GRHPR: variants seen among roughly 807,000 people sequenced by gnomAD.
GRHPR encodes the protein glyoxylate reductase/hydroxypyruvate reductase.
In GRHPR, 35 loss-of-function variants were observed where a neutral mutation model predicts 36.8. The observed-to-expected ratio is 0.95, with a 90% CI of 0.73 to 1.26. The LOEUF (loss-of-function observed/expected upper bound fraction) is 1.26, where lower values mean the gene tolerates loss of function less well. Among genes scored for constraint, GRHPR ranks in the 50% most tolerant of loss-of-function variants. GRHPR has a pLI of 0.00. For synonymous variants in GRHPR, 179 were observed against 181.0 expected (o/e 0.99, Z 0.09); for missense variants, 380 against 435.0 (o/e 0.87, Z 1.12).
chr9:37,431,981 T>C (rs1454392211), intron 7 of GRHPR, 27 bp from the exon 8 acceptor site: 1 of 1,613,274 alleles, frequency 6.2e-7, no homozygotes, highest in African/African-American at 1.3e-5. Flanking sequence ...ATCTTCGGGG[T>C]ACCCATGTCA....
chr9:37,438,663 C>T (rs191525510), downstream of GRHPR: 362 of 152,434 alleles, frequency 2.4e-3, 2 homozygotes, highest in Non-Finnish European at 4.1e-3. Context: ...TCATTTTCTC[C>T]AGGCTAACCC....
chr9:37,433,658 G>A (rs1225762635), intron 8 of GRHPR, among the ~76,000 whole-genome samples: 3 of 152,138 alleles, frequency 2.0e-5, no homozygotes, highest in South Asian at 2.1e-4. Context: ...TGCTCCTCAC[G>A]GCTCCCAGAT....
At chr9:37,428,688 C>T (rs1250791984) in intron 5 of GRHPR, 116 bp downstream of exon 5, 1 of 758,782 alleles carries the variant, frequency 1.3e-6, no homozygotes, top group Non-Finnish European at 2.4e-6. Flanking sequence ...ACTTTGCTTG[C>T]AGTAGAGATA....
intron 8 of GRHPR, among the ~76,000 whole-genome samples, 162 bp from the exon 9 acceptor site, chr9:37,436,499 A>G (rs1823655828): frequency 6.6e-6 from 1 of 152,102 alleles, no homozygotes; most frequent in Non-Finnish European, 1.5e-5. Context: ...GCTCTGGGGG[A>G]GTGTCAAGCT....
At chr9:37,426,793 CAA>C (rs893268068) in intron 4 of GRHPR, 139 bp downstream of exon 4, 1 of 620,838 alleles carries the variant, frequency 1.6e-6, no homozygotes, top group Non-Finnish European at 2.9e-6. Context: ...AGTAAAAATA[CAA>C]AAAAAATTAG....
intron 5 of GRHPR, chr9:37,429,205 C>T: frequency 3.9e-6 from 1 of 253,520 alleles, no homozygotes; most frequent in Non-Finnish European, 7.8e-6. Flanking sequence ...TGGAGGAACC[C>T]AACAGCTTTG....
intron 2 of GRHPR, 113 bp from the exon 3 acceptor site, chr9:37,425,809 C>CA: frequency 1.4e-6 from 1 of 740,406 alleles, no homozygotes; most frequent in Non-Finnish European, 2.5e-6. Flanking sequence ...ACAGAGATGT[C>CA]AGCCTCTTAT....
At position 37,429,837 on chromosome 9, in the gene GRHPR, G is replaced by T. The variant is rs111256477; in HGVS notation, c.598+1G>T. ...GCAGCAGAATTCCAGGCAGAGTTTG[G>T]TAAGTGAAGCCTTGATTTCCACAGG... On this transcript the variant is annotated splice_donor_variant, in intron 6 of 8. Coordinates refer to ENST00000318158, the MANE Select transcript of GRHPR (RefSeq NM_012203.2). LOFTEE classifies it high-confidence loss of function. 6.5e-7 allele frequency: 1 copy of T among 1,537,482 alleles called. No individual in the cohort carries two copies.
At position 37,436,652 on chromosome 9, in the gene GRHPR, C is replaced by T; in HGVS notation, c.866-9C>T. The T allele has an allele frequency of 6.2e-7, 1 of 1,613,724 alleles. No individual in the cohort carries two copies. Among genetic ancestry groups the T allele is most frequent in the Non-Finnish European group, 8.5e-7 (1 of 1,179,776 alleles). On this transcript the variant is annotated splice_polypyrimidine_tract_variant and intron_variant, in intron 8 of 8. Coordinates refer to ENST00000318158, the MANE Select transcript of GRHPR (RefSeq NM_012203.2). ...CTTATCTCCCTCTCTCTCTCTCTCT[C>T]CTTTCCAGTGATTCTGCCCCACATT...
chr9:37,437,391 C>G (rs1231261285), downstream of GRHPR, among the ~76,000 whole-genome samples: 1 of 152,184 alleles, frequency 6.6e-6, no homozygotes, highest in Non-Finnish European at 1.5e-5. Context: ...ACCACCTTAC[C>G]CCTCATCTTC....
At position 37,425,061 on chromosome 9, in the gene GRHPR, A is replaced by C; in HGVS notation, c.214+86A>C. ...TGCTGCTGGCTCCTGGCTGCTCTGC[A>C]GTGCTGTCTGGGTTCTGAGGGCGTT... On this transcript the variant is annotated intron_variant, in intron 2 of 8. Transcript: ENST00000318158. 2.9e-6 allele frequency: 4 copies of C among 1,393,558 alleles called. No homozygotes were observed. The South Asian group carries it at 4.7e-5, about 16-fold the overall frequency. 86.3% of individuals were successfully genotyped at this position (1,393,558 alleles called of 1,614,324 possible). A position where few individuals can be genotyped will look rare whatever the true frequency, so the allele number is the denominator to read the frequency against.
intron 8 of GRHPR, chr9:37,434,626 T>G: frequency 5.4e-6 from 1 of 185,106 alleles, no homozygotes; most frequent in Non-Finnish European, 1.2e-5. Flanking sequence ...CCCTTCAGAG[T>G]GACACGGACC....
rs772410150 is a variant in GRHPR at position 37,430,574 on chromosome 9, C to G, written c.662C>G (p.Ala221Gly). 3.1e-6 allele frequency: 5 copies of G among 1,613,350 alleles called. No homozygotes were observed. In the Admixed American group the frequency reaches 8.3e-5, roughly 27 times the overall value. Residue 221 changes from alanine to glycine, a missense_variant, in exon 7 of 9, where the codon GCA becomes GGA. Coordinates refer to ENST00000318158, the MANE Select transcript of GRHPR (RefSeq NM_012203.2). ...FIVVACSLTP[A>G]TEGLCNKDFF... ...GTCGTGGCCTGCTCCTTAACACCTGCAACCGAGGGACTCTGCAACAAGGAC... is the reference window on the plus strand; with the variant it reads ...GTCGTGGCCTGCTCCTTAACACCTGGAACCGAGGGACTCTGCAACAAGGAC...
chr9:37,424,975 G>T lies in GRHPR; in HGVS notation c.214G>T (p.Gly72Trp). ...GGACAAGAGGATCCTGGATGCTGCAGGTGCACACTGGGTGGGCAGGGGACT... is the reference window on the plus strand; with the variant it reads ...GGACAAGAGGATCCTGGATGCTGCATGTGCACACTGGGTGGGCAGGGGACT... The part of the protein sequence containing the change: ...HVDKRILDAA[G>W]ANLKVISTMS... Residue 72 changes from glycine to tryptophan, a missense_variant and splice_region_variant, in exon 2 of 9, where the codon GGG (glycine) becomes TGG (tryptophan). Coordinates refer to ENST00000318158, the MANE Select transcript of GRHPR (RefSeq NM_012203.2). 1 of 1,612,028 alleles carries T rather than the reference G, an allele frequency of 6.2e-7. No individual in the cohort carries two copies. Among genetic ancestry groups the T allele is most frequent in the South Asian group, 1.1e-5 (1 of 91,052 alleles).
At position 37,430,744 on chromosome 9, in the gene GRHPR, C is replaced by T. The variant is rs751745158; in HGVS notation, c.734+98C>T. 8 of 1,123,608 alleles carry T rather than the reference C, an allele frequency of 7.1e-6. No homozygotes were observed. The South Asian group carries it at 1.0e-4, about 14-fold the overall frequency. 69.6% of individuals were successfully genotyped at this position (1,123,608 alleles called of 1,614,324 possible). A position where few individuals can be genotyped will look rare whatever the true frequency, so the allele number is the denominator to read the frequency against. Reference sequence around the variant, plus strand: ...TCCCCGTGGGTTGTTGGTGAGACCCCAGGCTGAGCTTGCTGGTTTCCATAA... The same window carrying T: ...TCCCCGTGGGTTGTTGGTGAGACCCTAGGCTGAGCTTGCTGGTTTCCATAA... On this transcript the variant is annotated intron_variant, in intron 7 of 8. Coordinates refer to ENST00000318158, the MANE Select transcript of GRHPR (RefSeq NM_012203.2).
chr9:37,437,918 C>T (rs952105626), downstream of GRHPR, among the ~76,000 whole-genome samples: 1 of 152,160 alleles, frequency 6.6e-6, no homozygotes, highest in African/African-American at 2.4e-5. Context: ...AAATCTCATG[C>T]ATGTGCGTAG....
At chr9:37,429,427 C>CA in intron 5 of GRHPR, 1 of 437,824 alleles carries the variant, frequency 2.3e-6, no homozygotes, top group East Asian at 4.9e-5. Context: ...CTCCAGTTCT[C>CA]AGAGGTTAGG....
At chr9:37,437,041 A>G (rs1823704933), downstream of GRHPR, 11 of 430,160 alleles carry the variant, frequency 2.6e-5, no homozygotes, top group South Asian at 2.0e-4. Flanking sequence ...ATGGCTGGGC[A>G]TGGTGACGCA....
chr9:37,438,179 GCCTTGATAGAACT>G (rs1490526957), downstream of GRHPR: 3 of 152,586 alleles, frequency 2.0e-5, no homozygotes, highest in African/African-American at 4.8e-5. Flanking sequence ...TGACATGGAT[GCCTTGATAGAACT>G]CCTTGATAGA....
Sources: gnomAD v4.1 joint callset for allele counts (sites outside exome capture counted in the v4.1 genomes callset) on GRCh38, gnomAD v4.1.1 for gene constraint, MANE v1.5 for transcripts, NCBI Gene and HGNC (gene_info 2026-07-23, HGNC 2026-07-21) for gene names.